The following INO80 variants were observed in gnomAD, a reference collection of about 807,000 sequenced individuals.
INO80 encodes the protein chromatin-remodeling ATPase INO80.
A neutral mutation model predicts 203.4 loss-of-function variants in INO80; 20 were observed. That is an observed-to-expected ratio of 0.10 (90% confidence interval 0.07 to 0.14). The LOEUF is 0.14. INO80 is among the 10% of genes least tolerant of loss of function. INO80 has a pLI of 1.00. For missense variants in INO80, 1,419 were observed against 1,914.4 expected (o/e 0.74, Z 4.83); for synonymous variants, 726 against 685.2 (o/e 1.06, Z -0.93).
At position 41,020,909 on chromosome 15, in the gene INO80, T is replaced by C; in HGVS notation, c.3265A>G (p.Arg1089Gly). The change falls in exon 26 of 36, where the codon AGG becomes GGG. Residue 1089 changes from arginine (R) to glycine (G), a missense_variant. By Grantham distance (125) the Arg-to-Gly change is moderately radical. Coordinates refer to ENST00000648947, the MANE Select transcript of INO80 (RefSeq NM_017553.3). ...IRPQNGWSFI[R>G]IPGKESLITD... Reference sequence around the variant, plus strand: ...AGGATTGAGAACTCACCTGGAATCCTGATGAAAGACCAGCCATTCTGAGGT... The same window carrying C: ...AGGATTGAGAACTCACCTGGAATCCCGATGAAAGACCAGCCATTCTGAGGT... 2 of 1,609,062 alleles carry C rather than the reference T, an allele frequency of 1.2e-6. No individual in the cohort carries two copies. Among genetic ancestry groups the C allele is most frequent in the Non-Finnish European group, 1.7e-6 (2 of 1,175,658 alleles).
At chr15:41,080,528 T>C (rs759740033) in intron 8 of INO80, among the ~76,000 whole-genome samples, 3 of 152,176 alleles carry the variant, frequency 2.0e-5, no homozygotes, top group African/African-American at 2.4e-5. Context: ...AAGGTTCAAA[T>C]ACCAGAAATG....
At chr15:40,982,398 C>T (rs916882967) in intron 35 of INO80, among the ~76,000 whole-genome samples, 10 of 152,236 alleles carry the variant, frequency 6.6e-5, no homozygotes, top group Non-Finnish European at 1.5e-4. Context: ...ATCTGCCTGC[C>T]TCAGTCTCCC....
At chr15:41,078,815 C>G (rs2045441791) in intron 9 of INO80, among the ~76,000 whole-genome samples, 1 of 152,158 alleles carries the variant, frequency 6.6e-6, no homozygotes, top group South Asian at 2.1e-4. Flanking sequence ...CAGCTGGCAT[C>G]AGGTTTACCA....
At position 41,076,010 on chromosome 15, in the gene INO80, A is replaced by G. The variant is rs183617033; in HGVS notation, c.1132-1445T>C. ...TATGAAATTAACAAGTTAATGGAAG[A>G]AAGAAAATACTCCCCAAAACAATCT... On this transcript the variant is annotated intron_variant, in intron 9 of 35. Coordinates refer to ENST00000648947, the MANE Select transcript of INO80 (RefSeq NM_017553.3). 2.7e-3 allele frequency among the ~76,000 whole-genome samples: 410 copies of G among 152,358 alleles called. 3 individuals are homozygous for G. The highest frequency in any genetic ancestry group is 0.013 in the South Asian group (62 of 4,834).
At chr15:41,032,467 C>T (rs1244867836) in intron 24 of INO80, among the ~76,000 whole-genome samples, 5 of 152,072 alleles carry the variant, frequency 3.3e-5, no homozygotes, top group Non-Finnish European at 5.9e-5. Flanking sequence ...GCAGCACTCA[C>T]GATCTCAGGA....
chr15:40,995,594 G>A (rs1028967314), intron 29 of INO80, among the ~76,000 whole-genome samples: 1 of 152,152 alleles, frequency 6.6e-6, no homozygotes, highest in African/African-American at 2.4e-5. Flanking sequence ...AACTAACAGA[G>A]TACCAGCATA....
chr15:40,992,950 G>A (rs1456922525), intron 29 of INO80, among the ~76,000 whole-genome samples: 1 of 152,116 alleles, frequency 6.6e-6, no homozygotes, highest in African/African-American at 2.4e-5. Flanking sequence ...GTGCCACCAC[G>A]CCTGACTAAT....
At chr15:41,066,167 G>A (rs1354390500) in intron 14 of INO80, among the ~76,000 whole-genome samples, 1 of 151,542 alleles carries the variant, frequency 6.6e-6, no homozygotes. Flanking sequence ...TAGTAGAGAT[G>A]GGGTTTCTCC....
chr15:41,111,750 C>CT (rs1446524026), intron 1 of INO80, among the ~76,000 whole-genome samples: 1 of 151,514 alleles, frequency 6.6e-6, no homozygotes. Flanking sequence ...TTGCAGTGAG[C>CT]TGAGATCACG....
chr15:41,058,942 T>C (rs2045050988), intron 15 of INO80, among the ~76,000 whole-genome samples, 161 bp from the exon 16 acceptor site: 1 of 152,072 alleles, frequency 6.6e-6, no homozygotes, highest in African/African-American at 2.4e-5. Flanking sequence ...AACCATACTG[T>C]GGGGTTTTGT....
chr15:41,013,952 G>A (rs186398495), intron 27 of INO80, among the ~76,000 whole-genome samples: 17 of 152,208 alleles, frequency 1.1e-4, no homozygotes, highest in Non-Finnish European at 2.1e-4. Flanking sequence ...TACCCACTAG[G>A]TCCATAACCC....
chr15:41,039,489 T>C (rs1050621995), intron 24 of INO80, among the ~76,000 whole-genome samples: 31 of 152,222 alleles, frequency 2.0e-4, no homozygotes, highest in Non-Finnish European at 4.4e-4. Context: ...ACAGGGATAA[T>C]GATTGTTAAC....
intron 16 of INO80, 86 bp from the exon 17 acceptor site, chr15:41,056,792 C>T (rs2044993821): frequency 2.8e-6 from 3 of 1,078,874 alleles, no homozygotes; most frequent in South Asian, 2.7e-5. Flanking sequence ...GACAAAAATG[C>T]CTTCCAAAAA....
Position 41,073,515 on chromosome 15 carries a change from G to A in INO80, c.1328-20C>T, listed in dbSNP as rs558616455. ...TACTATCTGAAAAGCAAAATTTATG[G>A]ATTATCACACTTTATCAACTGATTT... On this transcript the variant is annotated intron_variant, in intron 10 of 35. Coordinates refer to ENST00000648947, the MANE Select transcript of INO80 (RefSeq NM_017553.3). 1.1e-5 allele frequency: 17 copies of A among 1,585,034 alleles called. No homozygotes were observed. In the East Asian group the frequency reaches 3.1e-4, roughly 29 times the overall value.
chr15:41,055,454 T>C, intron 17 of INO80, 90 bp from the exon 18 acceptor site: 3 of 712,256 alleles, frequency 4.2e-6, no homozygotes, highest in Non-Finnish European at 6.9e-6. Flanking sequence ...GCAGGTGTAT[T>C]AGTGTGTAAG....
At chr15:41,017,272 T>TC (rs2044225208) in intron 26 of INO80, 1 of 152,182 alleles carries the variant, frequency 6.6e-6, no homozygotes, top group Non-Finnish European at 1.5e-5. Flanking sequence ...CCTATCATAT[T>TC]CAGGAAGTAG....
In INO80 at chr15:41,096,224, G is replaced by T; in HGVS notation, c.87C>A (p.Leu29=). Residue 29 remains leucine (L), a synonymous_variant, in exon 2 of 36, where the codon CTC becomes CTA. Coordinates refer to ENST00000648947, the MANE Select transcript of INO80 (RefSeq NM_017553.3). ...TTTGTCGCAGAAAATGGTCCAACCG[G>T]AGGGCCCTCTCCAAGTACTGAAGAT... ...PLYLQYLERA[L]RLDHFLRQTS... The T allele has an allele frequency of 1.2e-6, 2 of 1,613,356 alleles. No individual in the cohort carries two copies. Among genetic ancestry groups the T allele is most frequent in the Non-Finnish European group, 1.7e-6 (2 of 1,179,846 alleles).
chr15:41,035,923 G>A (rs2140499551), intron 24 of INO80, among the ~76,000 whole-genome samples: 1 of 150,106 alleles, frequency 6.7e-6, no homozygotes, highest in South Asian at 2.1e-4. Flanking sequence ...GAGGCCAGGA[G>A]TTTGAGACCA....
intron 29 of INO80, among the ~76,000 whole-genome samples, chr15:40,991,831 T>TG: frequency 6.6e-6 from 1 of 152,014 alleles, no homozygotes; most frequent in Non-Finnish European, 1.5e-5. Flanking sequence ...TGGAGTGCAG[T>TG]GGCAAGATCT....
Sources: gnomAD v4.1 joint callset for allele counts (sites outside exome capture counted in the v4.1 genomes callset) on GRCh38, gnomAD v4.1.1 for gene constraint, MANE v1.5 for transcripts, NCBI Gene and HGNC (gene_info 2026-07-23, HGNC 2026-07-21) for gene names.